Variants in CACNA2D1 observed in about 807,000 individuals in gnomAD.
CACNA2D1 encodes voltage-dependent calcium channel subunit alpha-2/delta-1.
CACNA2D1 carries 53 observed loss-of-function variants against 171.5 expected under a neutral mutation model. That is an observed-to-expected ratio of 0.31 (90% CI 0.25 to 0.39). The LOEUF is 0.39. Ranked by LOEUF, CACNA2D1 falls within the 10% of genes least tolerant of loss-of-function variation. The pLI, the probability that CACNA2D1 is intolerant of heterozygous loss-of-function variation, is 1.00. For missense variants in CACNA2D1, 903 were observed against 1,299.8 expected (o/e 0.69, Z 4.69); for synonymous variants, 442 against 443.1 (o/e 1.00, Z 0.03).
chr7:82,218,506 G>A (rs1801414820), intron 3 of CACNA2D1, among the ~76,000 whole-genome samples: 3 of 152,030 alleles, frequency 2.0e-5, no homozygotes, highest in Admixed American at 2.0e-4. Flanking sequence ...ATATGTCCTG[G>A]TAAAAATAAT....
At chr7:82,350,601 C>T (rs1175956725) in intron 1 of CACNA2D1, among the ~76,000 whole-genome samples, 1 of 152,146 alleles carries the variant, frequency 6.6e-6, no homozygotes, top group African/African-American at 2.4e-5. Context: ...AGAGGCGGAG[C>T]TTGCAGTGAG....
chr7:82,392,367 G>A (rs4728505), intron 1 of CACNA2D1, among the ~76,000 whole-genome samples: 1,761 of 152,310 alleles, frequency 0.012, 62 homozygotes, highest in East Asian at 0.07. Flanking sequence ...GCTGATAGCT[G>A]TTCTGTTGCT....
In CACNA2D1 at chr7:82,346,742, T is replaced by A. The variant is rs74708410; in HGVS notation, c.177+2826A>T. On this transcript the variant is annotated intron_variant, in intron 2 of 38. Transcript: ENST00000356860. The stretch of plus-strand genomic sequence containing the variant: ...ATATTCAAGAGTAGATCATTGTTAG[T>A]GGCAGAGCTTTGGCTTCTTCTAATT... Among the ~76,000 whole-genome samples the A allele has an allele frequency of 5.0e-3, 767 of 152,284 alleles. 19 individuals carry two copies. The East Asian group carries it at 0.08, about 16-fold the overall frequency.
intron 7 of CACNA2D1, among the ~76,000 whole-genome samples, chr7:82,072,845 T>C (rs1808490252): frequency 6.6e-6 from 1 of 152,126 alleles, no homozygotes; most frequent in Non-Finnish European, 1.5e-5. Context: ...AGCTAAGACT[T>C]AATGAATTTT....
chr7:82,409,938 C>T (rs962323808), intron 1 of CACNA2D1, among the ~76,000 whole-genome samples: 13 of 152,118 alleles, frequency 8.5e-5, no homozygotes, highest in African/African-American at 2.9e-4. Context: ...CAACACGCTA[C>T]GGTACTGAAT....
At chr7:82,036,553 CTCTGT>C (rs1005983097) in intron 11 of CACNA2D1, among the ~76,000 whole-genome samples, 4 of 152,174 alleles carry the variant, frequency 2.6e-5, no homozygotes, top group African/African-American at 9.6e-5. Flanking sequence ...TGGGCCCATC[CTCTGT>C]GCTGTCCCAG....
chr7:82,139,617 G>A (rs902499101), intron 4 of CACNA2D1, among the ~76,000 whole-genome samples: 20 of 152,072 alleles, frequency 1.3e-4, no homozygotes, highest in Non-Finnish European at 2.5e-4. Flanking sequence ...AAGTGTTAAC[G>A]AATTTGTACA....
intron 24 of CACNA2D1, among the ~76,000 whole-genome samples, chr7:81,981,082 T>C (rs954897350): frequency 6.6e-6 from 1 of 152,184 alleles, no homozygotes; most frequent in Non-Finnish European, 1.5e-5. Flanking sequence ...CATATGTCTT[T>C]GTCTCTAGAT....
chr7:82,147,016 A>AG (rs1793218629), intron 4 of CACNA2D1, among the ~76,000 whole-genome samples: 1 of 108,484 alleles, frequency 9.2e-6, no homozygotes, highest in African/African-American at 3.4e-5. Flanking sequence ...AAAAAAAAAA[A>AG]GCAGCTATTA....
chr7:82,140,565 T>A (rs956774519), intron 4 of CACNA2D1, among the ~76,000 whole-genome samples: 1 of 152,160 alleles, frequency 6.6e-6, no homozygotes, highest in Non-Finnish European at 1.5e-5. Flanking sequence ...CTATGGAATA[T>A]GACCTTAAAA....
chr7:82,398,496 C>CA (rs1190388513), intron 1 of CACNA2D1, among the ~76,000 whole-genome samples: 1 of 151,718 alleles, frequency 6.6e-6, no homozygotes, highest in African/African-American at 2.4e-5. Context: ...TTACACACAA[C>CA]AAAAAATAAG....
At chr7:82,136,334 AT>A (rs1406881349) in intron 5 of CACNA2D1, among the ~76,000 whole-genome samples, 4 of 152,144 alleles carry the variant, frequency 2.6e-5, no homozygotes, top group African/African-American at 9.6e-5. Flanking sequence ...TTGGATAGCT[AT>A]TTTCAATATT....
At chr7:82,374,518 C>T (rs562448985) in intron 1 of CACNA2D1, among the ~76,000 whole-genome samples, 23 of 152,212 alleles carry the variant, frequency 1.5e-4, no homozygotes, top group Non-Finnish European at 2.9e-4. Flanking sequence ...AAGCTTTGAT[C>T]CATGCTTTTG....
chr7:82,034,733 G>A (rs569627062), intron 11 of CACNA2D1, among the ~76,000 whole-genome samples: 1 of 151,922 alleles, frequency 6.6e-6, no homozygotes, highest in South Asian at 2.1e-4. Flanking sequence ...AAAACCATAG[G>A]ACATGGTTTT....
At chr7:82,088,062 T>C (rs1264553851) in intron 6 of CACNA2D1, among the ~76,000 whole-genome samples, 3 of 152,130 alleles carry the variant, frequency 2.0e-5, no homozygotes, top group African/African-American at 7.2e-5. Flanking sequence ...AATATGTGGG[T>C]AGAGTTTATT....
intron 1 of CACNA2D1, among the ~76,000 whole-genome samples, chr7:82,409,185 C>T (rs1827385086): frequency 6.6e-6 from 1 of 152,106 alleles, no homozygotes; most frequent in Admixed American, 6.6e-5. Flanking sequence ...CCAGTGCCTT[C>T]TATATAGTAG....
At chr7:82,177,255 A>C (rs1228052118) in intron 3 of CACNA2D1, among the ~76,000 whole-genome samples, 3 of 151,884 alleles carry the variant, frequency 2.0e-5, no homozygotes, top group Admixed American at 6.6e-5. Context: ...AGTTCACCTT[A>C]TTCACCTCTT....
chr7:82,397,945 G>T (rs1825918817), intron 1 of CACNA2D1, among the ~76,000 whole-genome samples: 1 of 152,110 alleles, frequency 6.6e-6, no homozygotes, highest in Non-Finnish European at 1.5e-5. Flanking sequence ...GAACAGAATG[G>T]CCAACACCCA....
intron 3 of CACNA2D1, among the ~76,000 whole-genome samples, chr7:82,280,377 C>T (rs575853078): frequency 6.6e-5 from 10 of 152,076 alleles, no homozygotes; most frequent in Non-Finnish European, 1.0e-4. Flanking sequence ...GGACAAAACA[C>T]GAGGCTCAAG....
Sources: gnomAD v4.1 joint callset for allele counts (sites outside exome capture counted in the v4.1 genomes callset) on GRCh38, gnomAD v4.1.1 for gene constraint, MANE v1.5 for transcripts, NCBI Gene and HGNC (gene_info 2026-07-23, HGNC 2026-07-21) for gene names.